PCDHGB3: variants seen among roughly 807,000 people sequenced by gnomAD.
PCDHGB3 encodes the protein protocadherin gamma-B3.
A neutral mutation model predicts 59.2 loss-of-function variants in PCDHGB3; 40 were observed. The observed-to-expected ratio is 0.68, with a 90% confidence interval of 0.52 to 0.88. The LOEUF is 0.88. Among genes scored for constraint, PCDHGB3 ranks in the 40% least tolerant of loss-of-function variants. PCDHGB3 has a pLI of 0.00. For synonymous variants in PCDHGB3, 581 were observed against 503.6 expected (o/e 1.15, Z -2.06); for missense variants, 1,309 against 1,187.9 (o/e 1.10, Z -1.50).
At position 141,490,460 on chromosome 5, in the gene PCDHGB3, TA is replaced by T. The variant is rs1393913480; in HGVS notation, c.2416-4345del. 1.2e-6 allele frequency: 2 copies of T among 1,614,094 alleles called. No individual in the cohort carries two copies. The highest frequency in any genetic ancestry group is 1.7e-6 in the Non-Finnish European group (2 of 1,180,048). On this transcript the variant is annotated intron_variant, in intron 1 of 3. Coordinates refer to ENST00000576222, the MANE Select transcript of PCDHGB3 (RefSeq NM_018924.5). The surrounding 1 kb of genome is among the most constrained non-coding windows in gnomAD (Gnocchi z 5.4). ...CCTTCTGAGAACCACTACTCGCTGC[TA>T]ACCAGCCAGCCTTTGGACCGGGAGG... is the stretch of plus-strand genomic sequence containing the variant.
chr5:141,427,892 C>G (rs752723370), intron 1 of PCDHGB3: 2 of 1,567,044 alleles, frequency 1.3e-6, no homozygotes, highest in African/African-American at 2.7e-5. Context: ...ACGACCAGGG[C>G]TCGCCCGCGC....
At chr5:141,388,798 TA>T in intron 1 of PCDHGB3, 3 of 1,613,888 alleles carry the variant, frequency 1.9e-6, no homozygotes, top group Non-Finnish European at 2.5e-6. Flanking sequence ...TTAAATACAT[TA>T]GATTTTGAAG....
At chr5:141,478,117 C>T (rs1419172538) in intron 1 of PCDHGB3, 2 of 1,614,058 alleles carry the variant, frequency 1.2e-6, no homozygotes, top group East Asian at 4.5e-5. Flanking sequence ...TGTCAGTAAC[C>T]GAGGACTCTC....
Position 141,371,186 on chromosome 5 carries a change from G to A in PCDHGB3, c.792G>A (p.Val264=), listed in dbSNP as rs779475479. The change falls in exon 1 of 4, where the codon GTG becomes GTA. Residue 264 remains valine, a synonymous_variant. Coordinates refer to ENST00000576222, the MANE Select transcript of PCDHGB3 (RefSeq NM_018924.5). ...CCGCTGGCTCCTCCGTATTAAAAGT[G>A]ATGGCCATTGACATGGATGAGGGCA... ...NLPAGSSVLK[V]MAIDMDEGIN... is the part of the protein sequence containing the mutation. 1.9e-6 allele frequency: 3 copies of A among 1,614,028 alleles called. No individual in the cohort carries two copies. Among genetic ancestry groups the A allele is most frequent in the Non-Finnish European group, 8.5e-7 (1 of 1,179,886 alleles).
intron 1 of PCDHGB3, among the ~76,000 whole-genome samples, chr5:141,469,600 T>C (rs1276702104): frequency 6.6e-6 from 1 of 151,974 alleles, no homozygotes; most frequent in Non-Finnish European, 1.5e-5. Flanking sequence ...TAAAACAAAA[T>C]AAGTAAAATA....
intron 1 of PCDHGB3, among the ~76,000 whole-genome samples, chr5:141,481,692 G>T (rs1231630072): frequency 6.6e-6 from 1 of 152,020 alleles, no homozygotes; most frequent in African/African-American, 2.4e-5. Context: ...GGTGGCTCAC[G>T]CCTGTAATCC....
intron 2 of PCDHGB3, among the ~76,000 whole-genome samples, chr5:141,502,759 C>T (rs535899844): frequency 9.9e-5 from 15 of 152,130 alleles, no homozygotes; most frequent in African/African-American, 3.6e-4. Context: ...CATGTATTTG[C>T]TGGTATTCTT....
chr5:141,423,121 G>T lies in PCDHGB3; in HGVS notation c.2415+50312G>T, dbSNP rs368205535. The T allele has an allele frequency of 5.6e-6, 9 of 1,613,680 alleles. No homozygotes were observed. The African/African-American group carries it at 1.1e-4, about 19-fold the overall frequency. ...CACGGGCGAGGTGCGTACAGCGCGG[G>T]CACTGCTGGACAGAGACGCGCTCAA... On this transcript the variant is annotated intron_variant, in intron 1 of 3. Coordinates refer to ENST00000576222, the MANE Select transcript of PCDHGB3 (RefSeq NM_018924.5).
At chr5:141,478,247 G>C (rs1377698933) in intron 1 of PCDHGB3, 1 of 1,613,956 alleles carries the variant, frequency 6.2e-7, no homozygotes, top group Non-Finnish European at 8.5e-7. Context: ...CACAGTGTTC[G>C]GAGTAATCAT....
rs2099695710 is a variant in PCDHGB3, at chr5:141,490,068, A to G, written c.2416-4739A>G. On this transcript the variant is annotated intron_variant, in intron 1 of 3. Coordinates refer to ENST00000576222, the MANE Select transcript of PCDHGB3 (RefSeq NM_018924.5). This position sits in a 1 kb window ranked among gnomAD's most constrained non-coding sequence, Gnocchi z 5.4. ...ATCCAGACGAGGGCACCAACGGCCA[A>G]CTAGACTATTCTTTTGGAGACCACA... is the stretch of plus-strand genomic sequence containing the variant. 2 of 1,614,152 alleles carry G rather than the reference A, an allele frequency of 1.2e-6. No homozygotes were observed. The highest frequency in any genetic ancestry group is 1.6e-4 in the Middle Eastern group (1 of 6,084).
At chr5:141,398,916 A>G (rs2150766485) in intron 1 of PCDHGB3, 1 of 1,614,022 alleles carries the variant, frequency 6.2e-7, no homozygotes, top group Non-Finnish European at 8.5e-7. Context: ...CTGTGTTGCA[A>G]GTGTCAGCCA....
In PCDHGB3 at chr5:141,372,155, G is replaced by A. The variant is rs1257582169; in HGVS notation, c.1761G>A (p.Leu587=). 1 of 1,613,678 alleles carries A rather than the reference G, an allele frequency of 6.2e-7. No homozygotes were observed. The highest frequency in any genetic ancestry group is 1.7e-5 in the Admixed American group (1 of 60,016). Residue 587 remains leucine, a synonymous_variant, in exon 1 of 4, where the codon CTG becomes CTA. Transcript: ENST00000576222. ...CGCGCTCTGCAGAGCCTGGCTACCT[G>A]GTGACCAAGGTGGTGGCGGTGGACG... The part of the protein sequence containing the change: ...MVPRSAEPGY[L]VTKVVAVDAD...
At chr5:141,415,416 G>C (rs747598923) in intron 1 of PCDHGB3, 3 of 1,614,220 alleles carry the variant, frequency 1.9e-6, no homozygotes, top group Non-Finnish European at 2.5e-6. Flanking sequence ...TTGTGGGCGT[G>C]GACGGGGTTC....
At chr5:141,385,981 A>G (rs2090416620) in intron 1 of PCDHGB3, 1 of 152,244 alleles carries the variant, frequency 6.6e-6, no homozygotes, top group Non-Finnish European at 1.5e-5. Flanking sequence ...AACCAATAAA[A>G]TATGTCAAAT....
At chr5:141,452,858 T>C (rs904455495) in intron 1 of PCDHGB3, among the ~76,000 whole-genome samples, 1 of 152,202 alleles carries the variant, frequency 6.6e-6, no homozygotes. Flanking sequence ...GGGGAGATGA[T>C]TTTCTAACTC....
At chr5:141,430,384 A>G (rs547268242) in intron 1 of PCDHGB3, among the ~76,000 whole-genome samples, 32 of 122,116 alleles carry the variant, frequency 2.6e-4, no homozygotes, top group East Asian at 6.6e-4. Context: ...GCTCATTGGG[A>G]AAAAAAAAAA....
intron 1 of PCDHGB3, among the ~76,000 whole-genome samples, chr5:141,462,382 C>T (rs80320684): frequency 0.016 from 2,433 of 152,148 alleles, 70 homozygotes; most frequent in African/African-American, 0.055. Flanking sequence ...CTTTTAAATT[C>T]GTTAACATTT....
intron 1 of PCDHGB3, 31 bp downstream of exon 1, chr5:141,372,840 A>G (rs373804282): frequency 2.6e-6 from 4 of 1,521,774 alleles, no homozygotes; most frequent in Non-Finnish European, 3.5e-6. Context: ...CCTTCCATAA[A>G]TATAATTGGG....
rs780863525 is a variant in PCDHGB3 at position 141,384,110 on chromosome 5, T to C, written c.2415+11301T>C. The stretch of plus-strand genomic sequence containing the variant: ...AAATCAATAGATAATTATTATAGAT[T>C]GGTCACAACCAAAAACTTGGACCGG... On this transcript the variant is annotated intron_variant, in intron 1 of 3. Transcript: ENST00000576222. The C allele has an allele frequency of 5.0e-6, 8 of 1,604,780 alleles. No homozygotes were observed. The South Asian group carries it at 7.8e-5, about 16-fold the overall frequency.
Sources: gnomAD v4.1 joint callset for allele counts (sites outside exome capture counted in the v4.1 genomes callset) on GRCh38, gnomAD v4.1.1 for gene constraint, Gnocchi (gnomAD v3.1) non-coding constraint, MANE v1.5 for transcripts, NCBI Gene and HGNC (gene_info 2026-07-23, HGNC 2026-07-21) for gene names.